ZNF383: variants seen among roughly 807,000 people sequenced by gnomAD.
ZNF383 encodes the protein zinc finger protein 383.
ZNF383 carries 32 observed loss-of-function variants against 44.2 expected under a neutral mutation model. The ratio of observed to expected loss-of-function variants is 0.72; its 90% CI spans 0.55 to 0.97. The LOEUF (loss-of-function observed/expected upper bound fraction) is 0.97, where lower values mean the gene tolerates loss of function less well. Ranked by LOEUF, ZNF383 falls within the 50% of genes least tolerant of loss-of-function variation. The pLI, the probability that ZNF383 is intolerant of heterozygous loss-of-function variation, is 0.00. For missense variants in ZNF383, 487 were observed against 562.5 expected (o/e 0.87, Z 1.36); for synonymous variants, 155 against 186.2 (o/e 0.83, Z 1.36).
At chr19:37,221,861 C>T (rs749241051) in intron 1 of ZNF383, among the ~76,000 whole-genome samples, 5 of 146,502 alleles carry the variant, frequency 3.4e-5, no homozygotes, top group South Asian at 2.2e-4. Context: ...GAAGCTGAGG[C>T]GGGAGAATTG....
chr19:37,235,630 T>C lies in ZNF383; in HGVS notation c.91T>C (p.Tyr31His), dbSNP rs1345002839. ...DCLDPVQRDLYRDVMLENYGN... is the reference protein window; with the variant it reads ...DCLDPVQRDLHRDVMLENYGN... ...CCTGGACCCTGTTCAGAGGGACTTA[T>C]ACAGAGATGTGATGTTGGAGAACTA... Residue 31 changes from tyrosine (Y) to histidine (H), a missense_variant, in exon 4 of 6, where the codon TAC becomes CAC. Coordinates refer to ENST00000684119, the MANE Select transcript of ZNF383 (RefSeq NM_001387601.1). 3 of 1,613,592 alleles carry C rather than the reference T, an allele frequency of 1.9e-6. No individual in the cohort carries two copies. The highest frequency in any genetic ancestry group is 2.7e-5 in the African/African-American group (2 of 74,918).
rs778037312 is a variant in ZNF383 at position 37,243,499 on chromosome 19, A to G, written c.1263A>G (p.Pro421=). The G allele has an allele frequency of 3.1e-6, 5 of 1,613,688 alleles. No homozygotes were observed. The highest frequency in any genetic ancestry group is 1.3e-5 in the African/African-American group (1 of 74,826). Residue 421 remains proline (P), a synonymous_variant, in exon 6 of 6, where the codon CCA becomes CCG. Transcript: ENST00000684119. The part of the protein sequence containing the change: ...QHQRIHTDEK[P]YECNECGKAF... ...AGAGAATTCATACAGATGAAAAACCATATGAATGTAATGAATGTGGAAAGG... is the reference window on the plus strand; with the variant it reads ...AGAGAATTCATACAGATGAAAAACCGTATGAATGTAATGAATGTGGAAAGG...
chr19:37,229,786 G>GTGTATA lies in ZNF383; in HGVS notation c.-45-622_-45-621insGTATAT, dbSNP rs556523426. ...TGTATATATGTATATATATGTGTGT[G>GTGTATA]TATATATATATATATATTTTTTTTT... On this transcript the variant is annotated intron_variant, in intron 2 of 5. Transcript: ENST00000684119. Among the ~76,000 whole-genome samples, 19 of 91,162 alleles carry GTGTATA rather than the reference G, an allele frequency of 2.1e-4. 1 individual carries two copies. The highest frequency in any genetic ancestry group is 7.5e-4 in the African/African-American group (18 of 24,140). The allele number at this position is 91,162 out of a possible 152,430, so 59.8% of individuals were successfully genotyped here.
chr19:37,239,304 G>GT (rs775127716), intron 5 of ZNF383, among the ~76,000 whole-genome samples: 1 of 152,086 alleles, frequency 6.6e-6, no homozygotes, highest in Non-Finnish European at 1.5e-5. Flanking sequence ...CATAGTAGCA[G>GT]TAGTAGTAGT....
Position 37,242,467 on chromosome 19 carries a change from A to C in ZNF383, c.233-2A>C. ...AACATTTACCATTTTATTTTCTTTCAGATCTGGAATCGATGTGTGAAACCA... is the reference window on the plus strand; with the variant it reads ...AACATTTACCATTTTATTTTCTTTCCGATCTGGAATCGATGTGTGAAACCA... On this transcript the variant is annotated splice_acceptor_variant, in intron 5 of 5. Coordinates refer to ENST00000684119, the MANE Select transcript of ZNF383 (RefSeq NM_001387601.1). LOFTEE classifies it high-confidence loss of function. The C allele has an allele frequency of 6.5e-7, 1 of 1,527,400 alleles. No individual in the cohort carries two copies. Among genetic ancestry groups the C allele is most frequent in the South Asian group, 1.2e-5 (1 of 82,688 alleles). The allele number at this position is 1,527,400 out of a possible 1,614,324, so 94.6% of individuals were successfully genotyped here.
intron 4 of ZNF383, 68 bp downstream of exon 4, chr19:37,235,743 CTCAGCTGCTTT>C: frequency 1.3e-6 from 2 of 1,498,050 alleles, no homozygotes; most frequent in Non-Finnish European, 1.8e-6. Context: ...CAGTGAATTT[CTCAGCTGCTTT>C]TCAGGTTACT....
intron 1 of ZNF383, among the ~76,000 whole-genome samples, chr19:37,218,706 A>G (rs1302146624): frequency 6.6e-6 from 1 of 152,064 alleles, no homozygotes; most frequent in Non-Finnish European, 1.5e-5. Flanking sequence ...TTACTGAGTA[A>G]ATCTACTACC....
intron 2 of ZNF383, among the ~76,000 whole-genome samples, chr19:37,228,434 T>C (rs1446349752): frequency 6.6e-6 from 1 of 151,022 alleles, no homozygotes; most frequent in Non-Finnish European, 1.5e-5. Context: ...TATATAATTA[T>C]AATTTATTTT....
rs1037947974 is a variant in ZNF383, at chr19:37,245,470, G to C, written c.*1806G>C. The C allele has an allele frequency of 6.8e-6, 1 of 147,064 alleles. No individual in the cohort carries two copies. The highest frequency in any genetic ancestry group is 1.5e-5 in the Non-Finnish European group (1 of 67,250). 9.1% of individuals were successfully genotyped at this position (147,064 alleles called of 1,614,324 possible). ...TTATCAATCCAGATATTAATTTTTT[G>C]TTTGTTTGTTTTTTTTTTTTTTTGA... On this transcript the variant is annotated 3_prime_UTR_variant, in exon 6 of 6. Coordinates refer to ENST00000684119, the MANE Select transcript of ZNF383 (RefSeq NM_001387601.1).
Position 37,243,290 on chromosome 19 carries a change from G to C in ZNF383, c.1054G>C (p.Ala352Pro). Residue 352 changes from alanine to proline, a missense_variant, in exon 6 of 6, where the codon GCA (alanine) becomes CCA (proline). Coordinates refer to ENST00000684119, the MANE Select transcript of ZNF383 (RefSeq NM_001387601.1). ...ECGKAFSSGS[A>P]LTNHQRIHTG... ...TGGCAAAGCCTTTAGTAGTGGCTCA[G>C]CACTTACTAATCATCAGAGAATTCA... The C allele has an allele frequency of 6.2e-7, 1 of 1,613,664 alleles. No homozygotes were observed. Among genetic ancestry groups the C allele is most frequent in the Non-Finnish European group, 8.5e-7 (1 of 1,179,912 alleles).
Position 37,245,171 on chromosome 19 carries a change from A to G in ZNF383, c.*1507A>G, listed in dbSNP as rs1199953919. ...GTACCTGTAATCCCAGCTACTCGGG[A>G]GGCTGAGACAGGAGAATTGCTTGAA... On this transcript the variant is annotated 3_prime_UTR_variant, in exon 6 of 6. Coordinates refer to ENST00000684119, the MANE Select transcript of ZNF383 (RefSeq NM_001387601.1). 6.6e-6 allele frequency: 1 copy of G among 152,116 alleles called. No homozygotes were observed. The highest frequency in any genetic ancestry group is 6.6e-5 in the Admixed American group (1 of 15,260). The allele number at this position is 152,116 out of a possible 1,614,324, so 9.4% of individuals were successfully genotyped here.
intron 3 of ZNF383, among the ~76,000 whole-genome samples, chr19:37,233,203 T>C (rs1973587161): frequency 6.6e-6 from 1 of 152,100 alleles, no homozygotes; most frequent in African/African-American, 2.4e-5. Flanking sequence ...ATATCTCAGC[T>C]CACTGCAAGC....
Position 37,243,607 on chromosome 19 carries a change from G to A in ZNF383, c.1371G>A (p.Lys457=), listed in dbSNP as rs775857000. The A allele has an allele frequency of 6.2e-7, 1 of 1,603,398 alleles. No homozygotes were observed. The highest frequency in any genetic ancestry group is 1.7e-5 in the Admixed American group (1 of 58,510). Residue 457 remains lysine (K), a synonymous_variant, in exon 6 of 6, where the codon AAG becomes AAA. Transcript: ENST00000684119. The stretch of plus-strand genomic sequence containing the variant: ...CCTATAACTGTAAGGAATGTGGGAA[G>A]GCTTTTAGTAGTGGCTCGGATCTCA... The part of the protein sequence containing the change: ...EKPYNCKECG[K]AFSSGSDLIR...
Position 37,243,708 on chromosome 19 carries a change from A to T in ZNF383, c.*44A>T, listed in dbSNP as rs763409310. ...TCACCTTCCTCATATTTTAAACCAA[A>T]AATCATGTCTAATAGTTACCCTCTT... is the stretch of plus-strand genomic sequence containing the variant. On this transcript the variant is annotated 3_prime_UTR_variant, in exon 6 of 6. Transcript: ENST00000684119. 5 of 1,339,754 alleles carry T rather than the reference A, an allele frequency of 3.7e-6. No individual in the cohort carries two copies. The South Asian group carries it at 8.2e-5, about 22-fold the overall frequency. 83.0% of individuals were successfully genotyped at this position (1,339,754 alleles called of 1,614,324 possible).
rs1425534947 is a variant in ZNF383, at chr19:37,246,016, C to T, written c.*2352C>T. The T allele has an allele frequency of 6.6e-6, 1 of 152,086 alleles. No homozygotes were observed. The allele number at this position is 152,086 out of a possible 1,614,324, so 9.4% of individuals were successfully genotyped here. On this transcript the variant is annotated 3_prime_UTR_variant, in exon 6 of 6. Coordinates refer to ENST00000684119, the MANE Select transcript of ZNF383 (RefSeq NM_001387601.1). ...TTCACCATATTGGCCAGGCTGCTCT[C>T]AAACTCCTGACCTCGTGATCCTCCT...
intron 5 of ZNF383, among the ~76,000 whole-genome samples, chr19:37,238,112 C>G (rs909529190): frequency 1.3e-5 from 2 of 151,908 alleles, no homozygotes; most frequent in Non-Finnish European, 2.9e-5. Flanking sequence ...ATCCACCCAC[C>G]TTGGCCTCCC....
rs1265710303 is a variant in ZNF383, at chr19:37,243,217, A to G, written c.981A>G (p.Gln327=). 5 of 1,614,138 alleles carry G rather than the reference A, an allele frequency of 3.1e-6. No individual in the cohort carries two copies. Among genetic ancestry groups the G allele is most frequent in the Admixed American group, 3.3e-5 (2 of 60,014 alleles). Residue 327 remains glutamine, a synonymous_variant, in exon 6 of 6, where the codon CAA becomes CAG. Coordinates refer to ENST00000684119, the MANE Select transcript of ZNF383 (RefSeq NM_001387601.1). ...KAFTQSSKLV[Q]HQRIHTGEKP... ...TTACCCAGAGCTCAAAGCTTGTTCAACATCAGAGAATTCATACTGGTGAGA... is the reference window on the plus strand; with the variant it reads ...TTACCCAGAGCTCAAAGCTTGTTCAGCATCAGAGAATTCATACTGGTGAGA...
chr19:37,221,484 G>A (rs1972913753), intron 1 of ZNF383, among the ~76,000 whole-genome samples: 1 of 152,078 alleles, frequency 6.6e-6, no homozygotes, highest in African/African-American at 2.4e-5. Context: ...CAGGGGATAA[G>A]GTGGGAGGAT....
intron 5 of ZNF383, among the ~76,000 whole-genome samples, chr19:37,240,551 T>G (rs1024062618): frequency 6.6e-6 from 1 of 152,208 alleles, no homozygotes; most frequent in Non-Finnish European, 1.5e-5. Context: ...TTGTACTGTG[T>G]CTTAGTTTCT....
Sources: gnomAD v4.1 joint callset for allele counts (sites outside exome capture counted in the v4.1 genomes callset) on GRCh38, gnomAD v4.1.1 for gene constraint, MANE v1.5 for transcripts, NCBI Gene and HGNC (gene_info 2026-07-23, HGNC 2026-07-21) for gene names.